DYM: variants seen among roughly 807,000 people sequenced by gnomAD.
The protein encoded by DYM is dyggve-Melchior-Clausen syndrome protein.
Under a neutral mutation model 93.1 loss-of-function variants are expected in DYM, and 78 were observed. The observed-to-expected ratio is 0.84, with a 90% CI of 0.70 to 1.01. The LOEUF (loss-of-function observed/expected upper bound fraction) is 1.01, where lower values mean the gene tolerates loss of function less well. Ranked by LOEUF, DYM falls within the 50% of genes least tolerant of loss-of-function variation. The probability of loss-of-function intolerance (pLI) is 0.00; values close to 1 mark genes in which losing one functional copy is unlikely to be tolerated. For missense variants in DYM, 789 were observed against 845.0 expected, an observed-to-expected ratio of 0.93 and a Z score of 0.82; for synonymous variants, 321 against 319.7, an observed-to-expected ratio of 1.00 and a Z score of -0.04.
intron 15 of DYM, among the ~76,000 whole-genome samples, chr18:49,152,681 T>C (rs761931638): frequency 6.6e-6 from 1 of 152,210 alleles, no homozygotes; most frequent in Non-Finnish European, 1.5e-5. Context: ...TGCATATTCA[T>C]TTCAGCATTA....
At chr18:49,177,841 T>C (rs948777186) in intron 14 of DYM, among the ~76,000 whole-genome samples, 4 of 152,232 alleles carry the variant, frequency 2.6e-5, no homozygotes, top group Non-Finnish European at 4.4e-5. Flanking sequence ...TACCAATGGT[T>C]TCAGTGGGTT....
At chr18:49,372,174 A>G (rs965263594) in intron 5 of DYM, among the ~76,000 whole-genome samples, 7 of 152,216 alleles carry the variant, frequency 4.6e-5, no homozygotes, top group African/African-American at 1.7e-4. Context: ...ATCAGCTGAT[A>G]AATGGATGTC....
At chr18:49,051,586 G>C (rs544228142) in intron 17 of DYM, among the ~76,000 whole-genome samples, 2 of 152,206 alleles carry the variant, frequency 1.3e-5, no homozygotes, top group Non-Finnish European at 2.9e-5. Context: ...AGCATTTGTT[G>C]ATTTCTACTT....
rs181613204 is a variant in DYM, at chr18:49,037,572, A to T, written c.*6483T>A. 6.0e-4 allele frequency among the ~76,000 whole-genome samples: 90 copies of T among 150,648 alleles called. No individual in the cohort carries two copies. The highest frequency in any genetic ancestry group is 4.0e-4 in the Non-Finnish European group (27 of 67,044). ...AACAAACCTGAACAGGTACTCTTTA[A>T]ATTTAAAATAAAATTAAAAGGTCTT... On this transcript the variant is annotated 3_prime_UTR_variant, in exon 18 of 18. Transcript: ENST00000675505.
At chr18:49,055,365 C>T (rs1267859221) in intron 17 of DYM, among the ~76,000 whole-genome samples, 1 of 152,196 alleles carries the variant, frequency 6.6e-6, no homozygotes, top group Admixed American at 6.5e-5. Flanking sequence ...TAAAAGCCAT[C>T]AGCTGCGGGG....
intron 8 of DYM, among the ~76,000 whole-genome samples, chr18:49,309,675 T>C (rs867578694): frequency 6.6e-6 from 1 of 152,224 alleles, no homozygotes; most frequent in East Asian, 1.9e-4. Context: ...TTGTAATGTA[T>C]AAACCATAGA....
intron 14 of DYM, among the ~76,000 whole-genome samples, chr18:49,199,598 T>C (rs1346530040): frequency 6.6e-6 from 1 of 152,258 alleles, no homozygotes; most frequent in Non-Finnish European, 1.5e-5. Context: ...TTTCATTTCA[T>C]GCCACAGAAG....
chr18:49,194,553 A>G (rs1008185036), intron 14 of DYM, among the ~76,000 whole-genome samples: 2 of 152,324 alleles, frequency 1.3e-5, no homozygotes, highest in South Asian at 2.1e-4. Flanking sequence ...AAATCCAGTT[A>G]GTTAATAAGT....
At chr18:49,346,234 T>C (rs1307159687) in intron 6 of DYM, among the ~76,000 whole-genome samples, 1 of 152,126 alleles carries the variant, frequency 6.6e-6, no homozygotes, top group Non-Finnish European at 1.5e-5. Flanking sequence ...ACCCAATGCA[T>C]ATCAACTGGT....
intron 13 of DYM, among the ~76,000 whole-genome samples, chr18:49,219,270 T>C (rs994997665): frequency 1.3e-5 from 2 of 152,124 alleles, no homozygotes; most frequent in African/African-American, 4.8e-5. Flanking sequence ...ATCAATAGCT[T>C]ACCAACCAAA....
intron 9 of DYM, among the ~76,000 whole-genome samples, chr18:49,284,193 T>C (rs2095062504): frequency 6.6e-6 from 1 of 152,218 alleles, no homozygotes; most frequent in Non-Finnish European, 1.5e-5. Flanking sequence ...ATCCACAACA[T>C]ATATACATTA....
intron 2 of DYM, among the ~76,000 whole-genome samples, chr18:49,403,631 G>A (rs1461417026): frequency 6.6e-6 from 1 of 151,986 alleles, no homozygotes; most frequent in East Asian, 1.9e-4. Flanking sequence ...TACGTGTGCA[G>A]GTTTGTTACA....
At chr18:49,267,107 TAGAA>T (rs981075201) in intron 11 of DYM, among the ~76,000 whole-genome samples, 9 of 151,850 alleles carry the variant, frequency 5.9e-5, no homozygotes, top group Admixed American at 3.3e-4. Flanking sequence ...TTTAAAAAGT[TAGAA>T]AGATAAAGAA....
intron 15 of DYM, among the ~76,000 whole-genome samples, chr18:49,149,709 T>TG (rs1185483856): frequency 3.6e-5 from 5 of 140,770 alleles, no homozygotes; most frequent in African/African-American, 1.1e-4. Flanking sequence ...AGTGTTTTTT[T>TG]TTTTTTTTTT....
intron 8 of DYM, among the ~76,000 whole-genome samples, chr18:49,304,727 C>G (rs2061169036): frequency 6.6e-6 from 1 of 152,220 alleles, no homozygotes; most frequent in East Asian, 1.9e-4. Flanking sequence ...TTGCTCGAGT[C>G]ATCTGCAGAC....
chr18:49,215,876 C>T (rs552794724), intron 13 of DYM, among the ~76,000 whole-genome samples: 1 of 152,204 alleles, frequency 6.6e-6, no homozygotes, highest in Non-Finnish European at 1.5e-5. Flanking sequence ...GTTCATCTCA[C>T]TAGGGAGTGC....
At chr18:49,111,677 C>T (rs1468769083) in intron 16 of DYM, among the ~76,000 whole-genome samples, 1 of 152,146 alleles carries the variant, frequency 6.6e-6, no homozygotes, top group Non-Finnish European at 1.5e-5. Context: ...TCATGCTCCA[C>T]GTTCTGCTTT....
chr18:49,173,421 AT>A (rs2088997578), intron 14 of DYM, among the ~76,000 whole-genome samples: 1 of 152,082 alleles, frequency 6.6e-6, no homozygotes, highest in Non-Finnish European at 1.5e-5. Context: ...TCTCTAATCC[AT>A]GAGGATAAAA....
intron 13 of DYM, among the ~76,000 whole-genome samples, chr18:49,241,774 C>T (rs555149427): frequency 1.3e-5 from 2 of 152,136 alleles, no homozygotes; most frequent in East Asian, 1.9e-4. Context: ...TGATATCTGC[C>T]GAAGGTAGGG....
Sources: allele counts gnomAD v4.1 joint callset (sites outside exome capture counted in the v4.1 genomes callset), GRCh38; gene constraint gnomAD v4.1.1; transcripts MANE v1.5; gene names NCBI Gene and HGNC (gene_info 2026-07-23, HGNC 2026-07-21).